Variants in ZNF814 observed in about 807,000 individuals in gnomAD.
ZNF814 encodes zinc finger protein 814.
A neutral mutation model predicts 7.5 loss-of-function variants in ZNF814; 5 were observed. That is an observed-to-expected ratio of 0.67 (90% confidence interval 0.35 to 1.40). The LOEUF (loss-of-function observed/expected upper bound fraction) is 1.40, where lower values mean the gene tolerates loss of function less well. Ranked by LOEUF, ZNF814 falls within the 40% of genes most tolerant of loss-of-function variation. The probability of loss-of-function intolerance (pLI) is 0.04; values close to 1 mark genes in which losing one functional copy is unlikely to be tolerated. For synonymous variants in ZNF814, 315 were observed against 340.7 expected, an observed-to-expected ratio of 0.92 and a Z score of 0.83; for missense variants, 962 against 1,018.0, an observed-to-expected ratio of 0.94 and a Z score of 0.75.
At chr19:57,883,208 A>G (rs1266616578) in intron 1 of ZNF814, among the ~76,000 whole-genome samples, 1 of 151,842 alleles carries the variant, frequency 6.6e-6, no homozygotes. Flanking sequence ...AATACAAAAA[A>G]TTAGCCAGGT....
chr19:57,888,338 C>T (rs2071710114), intron 1 of ZNF814, among the ~76,000 whole-genome samples: 2 of 152,170 alleles, frequency 1.3e-5, no homozygotes, highest in Admixed American at 1.3e-4. Flanking sequence ...ACTCAAATAT[C>T]ACCTGACACT....
rs2071547154 is a variant in ZNF814, at chr19:57,870,357, C to T, written c.*2465G>A. The T allele has an allele frequency of 6.6e-6, 1 of 152,214 alleles. No homozygotes were observed. Among genetic ancestry groups the T allele is most frequent in the Non-Finnish European group, 1.5e-5 (1 of 68,038 alleles). The allele number at this position is 152,214 out of a possible 1,614,324, so 9.4% of individuals were successfully genotyped here. A position where few individuals can be genotyped will look rare whatever the true frequency, so the allele number is the denominator to read the frequency against. On this transcript the variant is annotated 3_prime_UTR_variant, in exon 3 of 3. Coordinates refer to ENST00000435989, the MANE Select transcript of ZNF814 (RefSeq NM_001144989.2). Reference sequence around the variant, plus strand: ...CTATACTGACTACACCAATTCTTCTCATGCCCTAAGTGGGAAAACTAGCCT... The same window carrying T: ...CTATACTGACTACACCAATTCTTCTTATGCCCTAAGTGGGAAAACTAGCCT...
the ZNF814 span, among the ~76,000 whole-genome samples, chr19:57,903,440 AG>A: frequency 2.0e-5 from 3 of 152,390 alleles, 1 homozygote; most frequent in Admixed American, 2.0e-4. Flanking sequence ...TTTAGAAACT[AG>A]AATTCAAATG....
At chr19:57,881,533 AGAG>A (rs2071653697) in intron 1 of ZNF814, among the ~76,000 whole-genome samples, 1 of 110,354 alleles carries the variant, frequency 9.1e-6, no homozygotes, top group Non-Finnish European at 1.7e-5. Flanking sequence ...CCACTCGAGG[AGAG>A]GAGAGGGAAC....
chr19:57,893,726 C>T (rs1339379103), upstream of ZNF814, among the ~76,000 whole-genome samples: 2 of 151,628 alleles, frequency 1.3e-5, no homozygotes, highest in African/African-American at 4.8e-5. Flanking sequence ...CGAGACCAAC[C>T]TGGCCAACAT....
chr19:57,900,839 A>ATTTTTTTTTTTTTTTTTTT, the ZNF814 span, among the ~76,000 whole-genome samples: 301 of 45,768 alleles, frequency 6.6e-3, 98 homozygotes, highest in Middle Eastern at 0.048. Context: ...CCATGGCTGC[A>ATTTTTTTTTTTTTTTTTTT]TTTTTTTTTT....
upstream of ZNF814, among the ~76,000 whole-genome samples, chr19:57,889,586 A>C (rs539358044): frequency 6.6e-6 from 1 of 152,176 alleles, no homozygotes; most frequent in Admixed American, 6.6e-5. Context: ...AATAAGGGCC[A>C]GGTGCGGGCG....
chr19:57,888,733 G>A (rs998597126), intron 1 of ZNF814, 34 bp downstream of exon 1: 2 of 1,553,258 alleles, frequency 1.3e-6, no homozygotes, highest in African/African-American at 1.4e-5. Flanking sequence ...GTGACGATGA[G>A]GTGACCTGAG....
At chr19:57,875,971 T>C (rs2071603845) in intron 2 of ZNF814, among the ~76,000 whole-genome samples, 1 of 131,730 alleles carries the variant, frequency 7.6e-6, no homozygotes, top group East Asian at 2.2e-4. Flanking sequence ...TTTTTTTTTT[T>C]TTTTTTTGAG....
chr19:57,888,829 G>C lies in ZNF814; in HGVS notation c.-27C>G, dbSNP rs771906185. 2 of 1,551,562 alleles carry C rather than the reference G, an allele frequency of 1.3e-6. No individual in the cohort carries two copies. The highest frequency in any genetic ancestry group is 1.7e-6 in the Non-Finnish European group (2 of 1,146,952). ...GAACCACGTGGTTTTAAGCAGAGTC[G>C]GGAGGATAGGGCGACCAGCCAGGAG... On this transcript the variant is annotated 5_prime_UTR_variant, in exon 1 of 3. Coordinates refer to ENST00000435989, the MANE Select transcript of ZNF814 (RefSeq NM_001144989.2).
intron 2 of ZNF814, among the ~76,000 whole-genome samples, chr19:57,875,992 G>A (rs539662252): frequency 1.5e-3 from 167 of 108,302 alleles, no homozygotes; most frequent in Admixed American, 4.2e-3. Flanking sequence ...ATGGAGTCTC[G>A]CTCTGTCACC....
Position 57,873,867 on chromosome 19 carries a change from A to G in ZNF814, c.1523T>C (p.Val508Ala), listed in dbSNP as rs1460806932. Reference protein sequence around the residue: ...GKSFSQKGNLVLHQRVHTGAR... With the variant: ...GKSFSQKGNLALHQRVHTGAR... ...TCCAGTGTGAACTCGCTGGTGTAGA[A>G]CGAGGTTGCCCTTTTGACTGAAAGA... Residue 508 changes from valine to alanine, a missense_variant, in exon 3 of 3, where the codon GTT becomes GCT. This residue lies in a region of ZNF814 where 665 missense variants were observed against 551.4 expected (regional missense o/e 1.21). Transcript: ENST00000435989. 23 of 1,574,016 alleles carry G rather than the reference A, an allele frequency of 1.5e-5. No homozygotes were observed. Among genetic ancestry groups the G allele is most frequent in the Non-Finnish European group, 2.0e-5 (23 of 1,160,650 alleles).
chr19:57,872,147 A>G lies in ZNF814; in HGVS notation c.*675T>C, dbSNP rs942303385. Among the ~76,000 whole-genome samples the G allele has an allele frequency of 3.3e-5, 5 of 152,204 alleles. No individual in the cohort carries two copies. The highest frequency in any genetic ancestry group is 5.9e-5 in the Non-Finnish European group (4 of 68,040). On this transcript the variant is annotated 3_prime_UTR_variant, in exon 3 of 3. Transcript: ENST00000435989. ...GGTACCTGGGTATAGTGAAAAATGC[A>G]CTGTAGCTGCCACACACTTGGAACT...
chr19:57,880,547 A>G (rs535304423), intron 1 of ZNF814, among the ~76,000 whole-genome samples: 13 of 149,956 alleles, frequency 8.7e-5, no homozygotes, highest in South Asian at 4.2e-4. Context: ...GAGAGGTGCA[A>G]CAGAGCAGGA....
the ZNF814 span, among the ~76,000 whole-genome samples, chr19:57,897,791 G>T: frequency 6.6e-6 from 1 of 152,138 alleles, no homozygotes; most frequent in East Asian, 1.9e-4. Flanking sequence ...TTTAAAAGGT[G>T]TCACTGTACA....
rs1446646039 is a variant in ZNF814 at position 57,870,413 on chromosome 19, G to A, written c.*2409C>T. 1 of 152,032 alleles carries A rather than the reference G, an allele frequency of 6.6e-6. No homozygotes were observed. The highest frequency in any genetic ancestry group is 1.5e-5 in the Non-Finnish European group (1 of 68,040). The allele number at this position is 152,032 out of a possible 1,614,324, so 9.4% of individuals were successfully genotyped here. ...GTAGCAAATATTGATGTGGCACTAA[G>A]GCCATTTCCACCTGATTAAGTGGCT... On this transcript the variant is annotated 3_prime_UTR_variant, in exon 3 of 3. Transcript: ENST00000435989.
Position 57,873,691 on chromosome 19 carries a change from G to A in ZNF814, c.1699C>T (p.Gln567Ter), listed in dbSNP as rs1295053627. Reference sequence around the variant, plus strand: ...GATCTTTCTCTAGGGTGAACTCGCTGATGTAGAATGAGGGTGCCTTTATGA... The same window carrying A: ...GATCTTTCTCTAGGGTGAACTCGCTAATGTAGAATGAGGGTGCCTTTATGA... ...FSHKGTLILHQRVHPRERSYG... is the reference protein window; with the variant it reads ...FSHKGTLILH The change falls in exon 3 of 3, where the codon CAG becomes TAG. Residue 567 changes from glutamine to a stop codon, truncating the protein, a stop_gained. Transcript: ENST00000435989. LOFTEE classifies it low-confidence loss of function (END_TRUNC). 6.2e-7 allele frequency: 1 copy of A among 1,613,700 alleles called. No individual in the cohort carries two copies.
upstream of ZNF814, among the ~76,000 whole-genome samples, chr19:57,893,432 C>G (rs1345729821): frequency 6.6e-6 from 1 of 151,738 alleles, no homozygotes; most frequent in African/African-American, 2.4e-5. Flanking sequence ...CCTGGGCCCC[C>G]CAAAGTGCTG....
chr19:57,887,677 AC>A (rs1242580781), intron 1 of ZNF814, among the ~76,000 whole-genome samples: 1 of 151,414 alleles, frequency 6.6e-6, no homozygotes, highest in African/African-American at 2.4e-5. Flanking sequence ...CTCCTTACCC[AC>A]CCCCCTTTCC....
Sources: gnomAD v4.1 joint callset for allele counts (sites outside exome capture counted in the v4.1 genomes callset) on GRCh38, gnomAD v4.1.1 for gene constraint, gnomAD v4.1.1 regional missense constraint, MANE v1.5 for transcripts, NCBI Gene and HGNC (gene_info 2026-07-23, HGNC 2026-07-21) for gene names.